TLL1: variants seen among roughly 807,000 people sequenced by gnomAD.
The protein encoded by TLL1 is tolloid-like protein 1.
In TLL1, 49 loss-of-function variants were observed where a neutral mutation model predicts 128.2. The ratio of observed to expected loss-of-function variants is 0.38; its 90% CI spans 0.30 to 0.48. The LOEUF is 0.48. TLL1 is among the 20% of genes least tolerant of loss of function. The pLI is 0.96. For synonymous variants in TLL1, 454 were observed against 418.8 expected (o/e 1.08, Z -1.03); for missense variants, 1,123 against 1,242.0 (o/e 0.90, Z 1.44).
intron 12 of TLL1, among the ~76,000 whole-genome samples, chr4:166,047,324 C>A (rs1055734026): frequency 6.6e-6 from 1 of 151,598 alleles, no homozygotes; most frequent in African/African-American, 2.4e-5. Flanking sequence ...GCCACTGTGC[C>A]TGGCTAATTT....
At chr4:166,019,105 C>A (rs1237345692) in intron 8 of TLL1, among the ~76,000 whole-genome samples, 1 of 151,934 alleles carries the variant, frequency 6.6e-6, no homozygotes, top group Non-Finnish European at 1.5e-5. Context: ...ACCTATAGAC[C>A]TGGAATACTA....
At chr4:166,029,312 C>A (rs1342502550) in intron 9 of TLL1, among the ~76,000 whole-genome samples, 1 of 151,738 alleles carries the variant, frequency 6.6e-6, no homozygotes, top group Non-Finnish European at 1.5e-5. Context: ...GGATCTTATC[C>A]CAATTCAAAA....
chr4:166,001,202 G>A (rs1234180854), intron 5 of TLL1, among the ~76,000 whole-genome samples: 6 of 152,134 alleles, frequency 3.9e-5, no homozygotes, highest in African/African-American at 1.4e-4. Flanking sequence ...GGTTGGCAAT[G>A]TCTGGTGCAT....
intron 1 of TLL1, among the ~76,000 whole-genome samples, chr4:165,970,775 T>C (rs1735596443): frequency 6.6e-6 from 1 of 152,230 alleles, no homozygotes; most frequent in Non-Finnish European, 1.5e-5. Flanking sequence ...TTTTAAGGAC[T>C]GTTGGAAACA....
intron 1 of TLL1, among the ~76,000 whole-genome samples, chr4:165,883,962 T>C (rs1201049335): frequency 6.6e-6 from 1 of 152,206 alleles, no homozygotes; most frequent in Non-Finnish European, 1.5e-5. Context: ...ATATAGTCTT[T>C]CGGTAATTTC....
Position 166,099,526 on chromosome 4 carries a change from G to A in TLL1, c.2906G>A (p.Gly969Glu). The change falls in exon 20 of 21, where the codon GGG (glycine) becomes GAG (glutamate). Residue 969 changes from glycine to glutamate, a missense_variant and splice_region_variant. Transcript: ENST00000061240. Reference protein sequence around the residue: ...AVGLGRFCGSGPPEEIYSIGD... With the variant: ...AVGLGRFCGSEPPEEIYSIGD... Reference sequence around the variant, plus strand: ...GGGCTTGGTCGATTCTGTGGATCCGGGGTAAATATACCACCAACAGAATAC... The same window carrying A: ...GGGCTTGGTCGATTCTGTGGATCCGAGGTAAATATACCACCAACAGAATAC... 1 of 1,612,908 alleles carries A rather than the reference G, an allele frequency of 6.2e-7. No individual in the cohort carries two copies. Among genetic ancestry groups the A allele is most frequent in the Non-Finnish European group, 8.5e-7 (1 of 1,179,496 alleles).
chr4:166,078,693 A>T (rs1741148493), intron 18 of TLL1, among the ~76,000 whole-genome samples: 1 of 149,032 alleles, frequency 6.7e-6, no homozygotes, highest in South Asian at 2.1e-4. Context: ...CAGAGTGTTT[A>T]AACAGTATAA....
intron 16 of TLL1, among the ~76,000 whole-genome samples, chr4:166,074,574 A>G (rs1166637704): frequency 6.6e-6 from 1 of 152,082 alleles, no homozygotes; most frequent in East Asian, 1.9e-4. Context: ...TTGAAAAAAG[A>G]TCTATTGATT....
At chr4:165,983,690 T>C (rs915648258) in intron 1 of TLL1, among the ~76,000 whole-genome samples, 16 of 151,862 alleles carry the variant, frequency 1.1e-4, no homozygotes, top group Admixed American at 4.6e-4. Context: ...AGAAGTTCTA[T>C]GCCCTTTGAA....
At position 166,055,099 on chromosome 4, in the gene TLL1, T is replaced by C. The variant is rs2111110849; in HGVS notation, c.1548T>C (p.Ala516=). Residue 516 remains alanine (A), a synonymous_variant, in exon 13 of 21, where the codon GCT becomes GCC. Coordinates refer to ENST00000061240, the MANE Select transcript of TLL1 (RefSeq NM_012464.5). ...SFEIERHDNC[A]YDYLEVRDGT... is the part of the protein sequence containing the mutation. ...AGATTGAAAGACATGACAATTGTGCTTATGACTACCTGGAAGTTAGAGATG... is the reference window on the plus strand; with the variant it reads ...AGATTGAAAGACATGACAATTGTGCCTATGACTACCTGGAAGTTAGAGATG... The C allele has an allele frequency of 6.2e-7, 1 of 1,612,160 alleles. No individual in the cohort carries two copies. The highest frequency in any genetic ancestry group is 8.5e-7 in the Non-Finnish European group (1 of 1,179,368).
chr4:165,941,758 A>G (rs1734021312), intron 1 of TLL1, among the ~76,000 whole-genome samples: 1 of 152,108 alleles, frequency 6.6e-6, no homozygotes, highest in African/African-American at 2.4e-5. Context: ...ATAGCTGTTT[A>G]TTAGTGTTTA....
intron 12 of TLL1, chr4:166,044,549 T>A (rs1473765532): frequency 5.4e-6 from 5 of 917,940 alleles, no homozygotes; most frequent in Non-Finnish European, 8.0e-6. Context: ...AATCATTATG[T>A]TGTATTTTAT....
rs563657845 is a variant in TLL1, at chr4:165,919,293, G to A, written c.169+45220G>A. ...AACTACTTGGGAGGCTGAAGCAGGA[G>A]GATCACTTCAGCCTGGGAGGTCAAA... On this transcript the variant is annotated intron_variant, in intron 1 of 20. Coordinates refer to ENST00000061240, the MANE Select transcript of TLL1 (RefSeq NM_012464.5). Among the ~76,000 whole-genome samples, 131 of 151,102 alleles carry A rather than the reference G, an allele frequency of 8.7e-4. 1 individual carries two copies. Among genetic ancestry groups the A allele is most frequent in the Admixed American group, 3.5e-3 (53 of 15,164 alleles).
At chr4:165,947,365 G>A (rs1033132171) in intron 1 of TLL1, among the ~76,000 whole-genome samples, 3 of 152,028 alleles carry the variant, frequency 2.0e-5, no homozygotes, top group African/African-American at 7.2e-5. Flanking sequence ...TACTTTCCTT[G>A]GCTGGGGTCA....
intron 10 of TLL1, among the ~76,000 whole-genome samples, chr4:166,041,300 CTTTCTT>C (rs1739225463): frequency 1.6e-5 from 2 of 121,664 alleles, no homozygotes; most frequent in Non-Finnish European, 1.8e-5. Context: ...TTCTTTCTTT[CTTTCTT>C]TTTTTTTTTT....
intron 4 of TLL1, 50 bp downstream of exon 4, chr4:165,994,583 T>A: frequency 6.2e-7 from 1 of 1,600,108 alleles, no homozygotes; most frequent in Non-Finnish European, 8.6e-7. Flanking sequence ...AAAACTATCA[T>A]ACAGATTAAG....
chr4:165,888,874 C>A (rs563079188), intron 1 of TLL1, among the ~76,000 whole-genome samples: 7 of 152,124 alleles, frequency 4.6e-5, no homozygotes, highest in Non-Finnish European at 1.0e-4. Context: ...CCTGGGTGGG[C>A]CTTGCCCTAT....
chr4:166,043,990 G>T (rs1167807329), intron 12 of TLL1, among the ~76,000 whole-genome samples: 1 of 152,140 alleles, frequency 6.6e-6, no homozygotes, highest in African/African-American at 2.4e-5. Context: ...TTGGATCAAA[G>T]TCTGGGTCCA....
intron 1 of TLL1, among the ~76,000 whole-genome samples, chr4:165,885,759 A>G (rs917288576): frequency 1.3e-5 from 2 of 152,148 alleles, no homozygotes; most frequent in African/African-American, 2.4e-5. Flanking sequence ...GGGATGAGGG[A>G]AAGCCTATTC....
Sources: allele counts gnomAD v4.1 joint callset (sites outside exome capture counted in the v4.1 genomes callset), GRCh38; gene constraint gnomAD v4.1.1; transcripts MANE v1.5; gene names NCBI Gene and HGNC (gene_info 2026-07-23, HGNC 2026-07-21).